The following CAV1 variants were observed in gnomAD, a reference collection of about 807,000 sequenced individuals.
CAV1 encodes the protein caveolin-1.
CAV1 carries 10 observed loss-of-function variants against 16.5 expected under a neutral mutation model. The ratio of observed to expected loss-of-function variants is 0.61; its 90% CI spans 0.37 to 1.03. The LOEUF (loss-of-function observed/expected upper bound fraction) is 1.03. Ranked by LOEUF, CAV1 falls within the 50% of genes least tolerant of loss-of-function variation. CAV1 has a pLI of 0.01. For missense variants in CAV1, 212 were observed against 232.8 expected, an observed-to-expected ratio of 0.91 and a Z score of 0.58; for synonymous variants, 76 against 85.1, an observed-to-expected ratio of 0.89 and a Z score of 0.59.
chr7:116,558,297 G>A (rs1016202348), intron 2 of CAV1, among the ~76,000 whole-genome samples: 1 of 152,116 alleles, frequency 6.6e-6, no homozygotes, highest in African/African-American at 2.4e-5. Flanking sequence ...ATGTTTGGGG[G>A]TTTTACTTTA....
intron 2 of CAV1, among the ~76,000 whole-genome samples, chr7:116,533,208 C>A (rs542343960): frequency 6.6e-6 from 1 of 151,854 alleles, no homozygotes; most frequent in Admixed American, 6.6e-5. Context: ...GGTGTGGTAG[C>A]GCGTGTTTAA....
intron 1 of CAV1, chr7:116,525,673 T>G: frequency 9.2e-6 from 10 of 1,089,658 alleles, no homozygotes; most frequent in Non-Finnish European, 1.1e-5. Context: ...ACTGCCACCA[T>G]CACTTCCAAC....
At chr7:116,535,764 C>T (rs777047673) in intron 2 of CAV1, among the ~76,000 whole-genome samples, 3 of 152,162 alleles carry the variant, frequency 2.0e-5, no homozygotes, top group Non-Finnish European at 4.4e-5. Context: ...CTTTATTGAA[C>T]CTCGAGAAGA....
At chr7:116,530,208 C>CTCTTTTTTTTTTTTT in intron 2 of CAV1, among the ~76,000 whole-genome samples, 1 of 125,374 alleles carries the variant, frequency 8.0e-6, no homozygotes, top group African/African-American at 3.2e-5. Flanking sequence ...GTCCTTTTTC[C>CTCTTTTTTTTTTTTT]TTTTTTTTTT....
At position 116,559,001 on chromosome 7, in the gene CAV1, T is replaced by C. The variant is rs775650579; in HGVS notation, c.251T>C (p.Ile84Thr). 1 of 1,613,900 alleles carries C rather than the reference T, an allele frequency of 6.2e-7. No homozygotes were observed. The highest frequency in any genetic ancestry group is 8.5e-7 in the Non-Finnish European group (1 of 1,179,902). The part of the protein sequence containing the change: ...EPEGTHSFDG[I>T]WKASFTTFTV... ...GAAGGGACACACAGTTTTGACGGCA[T>C]TTGGAAGGCCAGCTTCACCACCTTC... is the stretch of plus-strand genomic sequence containing the variant. The change falls in exon 3 of 3, where the codon ATT (isoleucine) becomes ACT (threonine). Residue 84 changes from isoleucine to threonine, a missense_variant. Ile to Thr is a moderately conservative substitution (Grantham distance 89). Coordinates refer to ENST00000341049, the MANE Select transcript of CAV1 (RefSeq NM_001753.5).
At chr7:116,526,168 A>AGGACCTGCG in intron 1 of CAV1, 1 of 543,286 alleles carries the variant, frequency 1.8e-6, no homozygotes, top group Non-Finnish European at 2.4e-6. Flanking sequence ...CTCGCCGCCG[A>AGGACCTGCG]GGTCCTGCGG....
chr7:116,540,695 T>C (rs1307549407), intron 2 of CAV1, among the ~76,000 whole-genome samples: 1 of 152,192 alleles, frequency 6.6e-6, no homozygotes, highest in Non-Finnish European at 1.5e-5. Context: ...AATAGCAAAG[T>C]GACTTAGACA....
At chr7:116,535,337 T>C (rs1793787938) in intron 2 of CAV1, among the ~76,000 whole-genome samples, 1 of 152,176 alleles carries the variant, frequency 6.6e-6, no homozygotes, top group Non-Finnish European at 1.5e-5. Flanking sequence ...ATGTCACTCG[T>C]CTGCTGTCTT....
intron 1 of CAV1, chr7:116,525,431 C>T (rs1003053416): frequency 2.1e-6 from 3 of 1,419,124 alleles, no homozygotes; most frequent in African/African-American, 1.4e-5. Context: ...CCCCGCGGTC[C>T]GGCCCTGCCT....
chr7:116,525,104 TG>T lies in CAV1; in HGVS notation c.30+19del, dbSNP rs749316760. On this transcript the variant is annotated intron_variant, in intron 1 of 2. Transcript: ENST00000341049. ...ACGTAGACTCGGAGGTAGGCATCCG[TG>T]GGGGGGCGCCGGCTCGGGCGTGCGG... 6.8e-6 allele frequency: 11 copies of T among 1,613,538 alleles called. No individual in the cohort carries two copies. The highest frequency in any genetic ancestry group is 2.2e-5 in the East Asian group (1 of 44,874).
At chr7:116,549,904 A>G (rs1327712608) in intron 2 of CAV1, among the ~76,000 whole-genome samples, 2 of 152,230 alleles carry the variant, frequency 1.3e-5, no homozygotes, top group African/African-American at 4.8e-5. Flanking sequence ...TAGTCACTAC[A>G]GGTGACTACA....
intron 2 of CAV1, among the ~76,000 whole-genome samples, chr7:116,549,564 ATTTAT>A (rs974330225): frequency 2.0e-5 from 3 of 152,060 alleles, no homozygotes; most frequent in African/African-American, 7.2e-5. Context: ...TATTGTTTTT[ATTTAT>A]TTTATCTTAA....
chr7:116,534,395 A>ATATATATATATATATTTT (rs1442237865), intron 2 of CAV1, among the ~76,000 whole-genome samples: 2 of 7,832 alleles, frequency 2.6e-4, no homozygotes, highest in African/African-American at 6.7e-4. Flanking sequence ...ATATATATAT[A>ATATATATATATATATTTT]TTTTTTTTTT....
At position 116,525,461 on chromosome 7, in the gene CAV1, G is replaced by A. The variant is rs1793537570; in HGVS notation, c.30+369G>A. ...CTGCCTGCTGGGGGTTCGAAGAGGT[G>A]GAGTGCAGGGTGGAGGTGTTATTTA... On this transcript the variant is annotated intron_variant, in intron 1 of 2. Transcript: ENST00000341049. 3.7e-6 allele frequency: 5 copies of A among 1,359,994 alleles called. No homozygotes were observed. The Admixed American group carries it at 1.1e-4, about 30-fold the overall frequency. The allele number at this position is 1,359,994 out of a possible 1,614,324, so 84.2% of individuals were successfully genotyped here.
intron 2 of CAV1, among the ~76,000 whole-genome samples, chr7:116,551,165 T>G (rs1003055788): frequency 6.6e-6 from 1 of 152,230 alleles, no homozygotes; most frequent in African/African-American, 2.4e-5. Flanking sequence ...GATCTGATTC[T>G]GAAATGGGGC....
chr7:116,540,440 G>A (rs1793912600), intron 2 of CAV1, among the ~76,000 whole-genome samples: 1 of 152,092 alleles, frequency 6.6e-6, no homozygotes. Context: ...CTATCAACAG[G>A]CTAAGTGTAA....
intron 2 of CAV1, among the ~76,000 whole-genome samples, chr7:116,544,257 G>A (rs777352804): frequency 6.6e-5 from 10 of 152,220 alleles, no homozygotes; most frequent in East Asian, 1.9e-4. Flanking sequence ...TAATTCTTAC[G>A]CCAGATAATA....
chr7:116,555,570 AAGAAAGAAAG>A, intron 2 of CAV1, among the ~76,000 whole-genome samples: 1 of 93,330 alleles, frequency 1.1e-5, no homozygotes, highest in East Asian at 3.0e-4. Flanking sequence ...GAAAGAAAGA[AAGAAAGAAAG>A]AAAGAAAGAA....
At chr7:116,525,600 A>G in intron 1 of CAV1, 1 of 1,138,956 alleles carries the variant, frequency 8.8e-7, no homozygotes, top group Non-Finnish European at 1.1e-6. Context: ...CATCTCAAGA[A>G]CTCCTTCTGC....
Sources: gnomAD v4.1 joint callset for allele counts (sites outside exome capture counted in the v4.1 genomes callset) on GRCh38, gnomAD v4.1.1 for gene constraint, MANE v1.5 for transcripts, NCBI Gene and HGNC (gene_info 2026-07-23, HGNC 2026-07-21) for gene names.